Variants in UGT1A9 observed in about 807,000 individuals in gnomAD.
UGT1A9 encodes the protein UDP-glucuronosyltransferase 1A9.
A neutral mutation model predicts 45.0 loss-of-function variants in UGT1A9; 35 were observed. The observed-to-expected ratio is 0.78, with a 90% CI of 0.59 to 1.03. UGT1A9 has a LOEUF of 1.03. Ranked by LOEUF, UGT1A9 falls within the 50% of genes least tolerant of loss-of-function variation. UGT1A9 has a pLI of 0.00. For missense variants in UGT1A9, 687 were observed against 666.6 expected (o/e 1.03, Z -0.34); for synonymous variants, 278 against 250.6 (o/e 1.11, Z -1.03).
intron 1 of UGT1A9, among the ~76,000 whole-genome samples, chr2:233,730,912 AG>A (rs1229657899): frequency 1.3e-5 from 2 of 152,192 alleles, no homozygotes; most frequent in East Asian, 3.9e-4. Context: ...CAAAAATTTC[AG>A]AGGCAGCTTT....
intron 1 of UGT1A9, among the ~76,000 whole-genome samples, chr2:233,678,869 C>CT (rs1288960763): frequency 6.6e-6 from 1 of 152,172 alleles, no homozygotes. Flanking sequence ...TCCATAATCC[C>CT]TTCATGACTT....
intron 1 of UGT1A9, among the ~76,000 whole-genome samples, chr2:233,738,514 T>A (rs1690809776): frequency 6.6e-6 from 1 of 152,156 alleles, no homozygotes; most frequent in Admixed American, 6.5e-5. Context: ...ATGCTGATAA[T>A]GTTGTGGACA....
intron 1 of UGT1A9, chr2:233,755,375 G>A (rs1695890157): frequency 5.6e-6 from 2 of 355,636 alleles, no homozygotes; most frequent in South Asian, 4.5e-5. Context: ...CTGGAGGGCC[G>A]CCCCTTATGA....
intron 1 of UGT1A9, among the ~76,000 whole-genome samples, chr2:233,727,107 A>G (rs879349742): frequency 4.6e-5 from 7 of 152,176 alleles, no homozygotes; most frequent in Non-Finnish European, 7.3e-5. Flanking sequence ...TTGTGTGTTT[A>G]GGTCTGTGAG....
In UGT1A9 at chr2:233,769,590, G is replaced by A; in HGVS notation, c.1295+1151G>A. On this transcript the variant is annotated intron_variant, in intron 4 of 4. Coordinates refer to ENST00000354728, the MANE Select transcript of UGT1A9 (RefSeq NM_021027.3). This position sits in a 1 kb window ranked among gnomAD's most constrained non-coding sequence, Gnocchi z 4.4. Reference sequence around the variant, plus strand: ...GCTGGAGCATGTTCAGATGAGAGGAGACGGAACACGGGGACACACCAGCTT... The same window carrying A: ...GCTGGAGCATGTTCAGATGAGAGGAAACGGAACACGGGGACACACCAGCTT... 6.2e-7 allele frequency: 1 copy of A among 1,612,882 alleles called. No individual in the cohort carries two copies. Among genetic ancestry groups the A allele is most frequent in the African/African-American group, 1.3e-5 (1 of 75,046 alleles).
intron 1 of UGT1A9, among the ~76,000 whole-genome samples, chr2:233,731,746 C>T (rs1439402729): frequency 6.6e-6 from 1 of 152,104 alleles, no homozygotes; most frequent in Non-Finnish European, 1.5e-5. Flanking sequence ...AATAAACATA[C>T]GTGTGCATGT....
chr2:233,723,990 T>G, intron 1 of UGT1A9, among the ~76,000 whole-genome samples: 1 of 68,950 alleles, frequency 1.5e-5, no homozygotes, highest in South Asian at 6.4e-4. Context: ...TTTCCCGCCT[T>G]TCTATTCCAC....
Position 233,772,846 on chromosome 2 carries a change from T to G in UGT1A9, c.*287T>G. On this transcript the variant is annotated 3_prime_UTR_variant, in exon 5 of 5. Transcript: ENST00000354728. Reference sequence around the variant, plus strand: ...AGGCTGGCATTCTAGATTACTTTTCTTACTCTGAAACATGGCCTGTTTGGG... The same window carrying G: ...AGGCTGGCATTCTAGATTACTTTTCGTACTCTGAAACATGGCCTGTTTGGG... 1 of 808,400 alleles carries G rather than the reference T, an allele frequency of 1.2e-6. No homozygotes were observed. Among genetic ancestry groups the G allele is most frequent in the Non-Finnish European group, 1.8e-6 (1 of 570,574 alleles). The allele number at this position is 808,400 out of a possible 1,614,324, so 50.1% of individuals were successfully genotyped here.
chr2:233,685,350 A>G (rs898581661), intron 1 of UGT1A9, among the ~76,000 whole-genome samples: 1 of 152,132 alleles, frequency 6.6e-6, no homozygotes, highest in Non-Finnish European at 1.5e-5. Context: ...GGTTTTAATG[A>G]GAAAAAAAGA....
chr2:233,747,064 G>A (rs904041772), intron 1 of UGT1A9: 9 of 934,146 alleles, frequency 9.6e-6, no homozygotes, highest in African/African-American at 1.7e-5. Flanking sequence ...TTGGTTAATC[G>A]GTAATAATTA....
intron 3 of UGT1A9, 137 bp downstream of exon 3, chr2:233,768,073 G>T: frequency 6.3e-7 from 1 of 1,593,970 alleles, no homozygotes; most frequent in Non-Finnish European, 8.6e-7. Context: ...TATCTAGTGG[G>T]GTATCTCAAC....
At position 233,672,287 on chromosome 2, in the gene UGT1A9, A is replaced by G; in HGVS notation, c.353A>G (p.Asp118Gly). 1 of 1,613,766 alleles carries G rather than the reference A, an allele frequency of 6.2e-7. No homozygotes were observed. Among genetic ancestry groups the G allele is most frequent in the Non-Finnish European group, 8.5e-7 (1 of 1,179,804 alleles). Residue 118 changes from aspartate (D) to glycine (G), a missense_variant, in exon 1 of 5, where the codon GAC (aspartate) becomes GGC (glycine). Transcript: ENST00000354728. ...ATGGGTTCATACAATGACATTTTTG[A>G]CTTATTTTTTTCAAATTGCAGGAGT... ...LLMGSYNDIF[D>G]LFFSNCRSLF...
chr2:233,762,218 A>G (rs1011647338), intron 1 of UGT1A9, among the ~76,000 whole-genome samples: 2 of 152,162 alleles, frequency 1.3e-5, no homozygotes, highest in African/African-American at 4.8e-5. Flanking sequence ...GCGCCCCATA[A>G]ATCTCAGCAC....
chr2:233,743,793 C>G (rs768890081), intron 1 of UGT1A9: 1 of 1,367,374 alleles, frequency 7.3e-7, no homozygotes. Flanking sequence ...CTCCTCTCCG[C>G]TTCCTCCTTG....
At chr2:233,737,057 G>A (rs1365217094) in intron 1 of UGT1A9, among the ~76,000 whole-genome samples, 2 of 152,190 alleles carry the variant, frequency 1.3e-5, no homozygotes, top group African/African-American at 2.4e-5. Context: ...CTAGGAGAAC[G>A]AGTGCTCTCT....
At chr2:233,766,480 T>C (rs1299744322) in intron 1 of UGT1A9, among the ~76,000 whole-genome samples, 1 of 152,128 alleles carries the variant, frequency 6.6e-6, no homozygotes, top group African/African-American at 2.4e-5. Flanking sequence ...AGGCACATGA[T>C]GGGGGCGTGG....
At chr2:233,765,980 C>T (rs987100848) in intron 1 of UGT1A9, among the ~76,000 whole-genome samples, 1 of 152,096 alleles carries the variant, frequency 6.6e-6, no homozygotes, top group African/African-American at 2.4e-5. Flanking sequence ...ATGTTTACAG[C>T]TCCTGAAGCT....
rs1222829087 is a variant in UGT1A9, at chr2:233,767,177, C to G, written c.987+12C>G. 1 of 1,614,030 alleles carries G rather than the reference C, an allele frequency of 6.2e-7. No individual in the cohort carries two copies. Among genetic ancestry groups the G allele is most frequent in the South Asian group, 1.1e-5 (1 of 91,054 alleles). ...AAATCCCTCAGACAGTAAGAAGATT[C>G]TATACCATGGCCTCATATCTATTTT... On this transcript the variant is annotated intron_variant, in intron 2 of 4. Coordinates refer to ENST00000354728, the MANE Select transcript of UGT1A9 (RefSeq NM_021027.3).
intron 1 of UGT1A9, chr2:233,690,008 A>G (rs1260026576): frequency 1.8e-5 from 8 of 443,354 alleles, no homozygotes; most frequent in Non-Finnish European, 3.6e-5. Context: ...TCATCTCACC[A>G]TTTTGGACCT....
Sources: allele counts gnomAD v4.1 joint callset (sites outside exome capture counted in the v4.1 genomes callset), GRCh38; gene constraint gnomAD v4.1.1; non-coding constraint Gnocchi (gnomAD v3.1); transcripts MANE v1.5; gene names NCBI Gene and HGNC (gene_info 2026-07-23, HGNC 2026-07-21).